Variants in KIF9 observed in about 807,000 individuals in gnomAD.
KIF9 encodes the protein kinesin family member 9, also known as kinesin-like protein KIF9.
Under a neutral mutation model 94.8 loss-of-function variants are expected in KIF9, and 68 were observed. The observed-to-expected ratio is 0.72, with a 90% CI of 0.59 to 0.88. The LOEUF (loss-of-function observed/expected upper bound fraction) is 0.88, where lower values mean the gene tolerates loss of function less well. Among genes scored for constraint, KIF9 ranks in the 40% least tolerant of loss-of-function variants. The pLI is 0.00. For missense variants in KIF9, 882 were observed against 982.5 expected (o/e 0.90, Z 1.37); for synonymous variants, 343 against 362.1 (o/e 0.95, Z 0.60).
intron 10 of KIF9, among the ~76,000 whole-genome samples, chr3:47,255,473 G>A (rs1481956070): frequency 1.3e-5 from 2 of 152,126 alleles, no homozygotes; most frequent in East Asian, 3.9e-4. Flanking sequence ...TTAGCCCTTA[G>A]CTCTAAGGAA....
intron 17 of KIF9, chr3:47,239,598 T>TG (rs1208547678): frequency 1.9e-6 from 2 of 1,032,824 alleles, no homozygotes; most frequent in Non-Finnish European, 2.4e-6. Context: ...TGTTATTATA[T>TG]TTTTTTTCCA....
intron 1 of KIF9, among the ~76,000 whole-genome samples, chr3:47,278,769 C>A (rs1465051471): frequency 2.0e-5 from 3 of 151,898 alleles, no homozygotes; most frequent in African/African-American, 7.3e-5. Context: ...GTCAGGAGTT[C>A]AAGACCAGCC....
intron 11 of KIF9, 96 bp from the exon 12 acceptor site, chr3:47,247,573 G>A: frequency 1.0e-6 from 1 of 965,316 alleles, no homozygotes. Context: ...TGGGGAGGCT[G>A]GGCACAGGCC....
In KIF9 at chr3:47,236,442, C is replaced by T; in HGVS notation, c.2101+1G>A. ...GCGGCCAACCTTCCCAACTGTCGCACCCATGAGCAGGCGGTGGCGACACTG... is the reference window on the plus strand; with the variant it reads ...GCGGCCAACCTTCCCAACTGTCGCATCCATGAGCAGGCGGTGGCGACACTG... On this transcript the variant is annotated splice_donor_variant, in intron 18 of 20. Coordinates refer to ENST00000684063, the MANE Select transcript of KIF9 (RefSeq NM_182902.4). LOFTEE classifies it high-confidence loss of function. 1.9e-6 allele frequency: 3 copies of T among 1,612,838 alleles called. No individual in the cohort carries two copies. The highest frequency in any genetic ancestry group is 2.5e-6 in the Non-Finnish European group (3 of 1,179,988).
At chr3:47,245,281 C>A in intron 14 of KIF9, 140 bp downstream of exon 14, 1 of 734,642 alleles carries the variant, frequency 1.4e-6, no homozygotes. Context: ...TAACACAGGT[C>A]ACCTGTGTTC....
intron 12 of KIF9, among the ~76,000 whole-genome samples, chr3:47,247,112 C>T (rs577004943): frequency 3.9e-5 from 6 of 152,180 alleles, no homozygotes; most frequent in Non-Finnish European, 2.9e-5. Context: ...CTGAAGTACA[C>T]GAGGTTGAGT....
chr3:47,235,766 T>C, intron 19 of KIF9, 149 bp from the exon 20 acceptor site: 1 of 671,716 alleles, frequency 1.5e-6, no homozygotes, highest in Non-Finnish European at 2.6e-6. Context: ...CCAGCCCCCA[T>C]GTCTGTCAGT....
intron 13 of KIF9, 135 bp downstream of exon 13, chr3:47,246,062 G>C (rs1282299534): frequency 1.5e-6 from 1 of 675,030 alleles, no homozygotes; most frequent in Non-Finnish European, 2.6e-6. Flanking sequence ...AGGGACCCAG[G>C]CATGCCCCCA....
At chr3:47,268,924 C>T (rs1251816106) in intron 5 of KIF9, among the ~76,000 whole-genome samples, 1 of 152,132 alleles carries the variant, frequency 6.6e-6, no homozygotes, top group Non-Finnish European at 1.5e-5. Flanking sequence ...GAAGTACCCT[C>T]TTGCCTTGTC....
chr3:47,279,766 G>A (rs1177952195), intron 1 of KIF9, among the ~76,000 whole-genome samples: 2 of 151,658 alleles, frequency 1.3e-5, no homozygotes, highest in East Asian at 2.0e-4. Context: ...ACAGGCGCCC[G>A]CCACCAAGCC....
rs1009844404 is a variant in KIF9 at position 47,244,841 on chromosome 3, G to A, written c.1464C>T (p.Thr488=). 1 of 1,613,986 alleles carries A rather than the reference G, an allele frequency of 6.2e-7. No homozygotes were observed. Among genetic ancestry groups the A allele is most frequent in the African/African-American group, 1.3e-5 (1 of 74,886 alleles). The change falls in exon 15 of 21, where the codon ACC becomes ACT. Residue 488 remains threonine, a synonymous_variant. Coordinates refer to ENST00000684063, the MANE Select transcript of KIF9 (RefSeq NM_182902.4). ...NFGLGVAPFS[T]KPGKKAKSKK... ...TGGACTTGGCTTTCTTCCCAGGTTT[G>A]GTAGAGAAAGGGGCGACTCCGAGTC...
chr3:47,262,559 C>T (rs192121687), intron 9 of KIF9, among the ~76,000 whole-genome samples: 3 of 152,192 alleles, frequency 2.0e-5, no homozygotes, highest in African/African-American at 7.2e-5. Flanking sequence ...AGGCATGAGC[C>T]ATTACACCTG....
Position 47,241,006 on chromosome 3 carries a change from G to A in KIF9, c.1719C>T (p.Thr573=), listed in dbSNP as rs1435697737. ...CAAAGGCCACTGGTTTGGAGGGTGG[G>A]GTGTCGGGCCTTGAGATGAAAAGGT... The part of the protein sequence containing the change: ...KEELRPIRPD[T]PPSKPVAFEE... Residue 573 remains threonine, a synonymous_variant, in exon 17 of 21, where the codon ACC becomes ACT. Coordinates refer to ENST00000684063, the MANE Select transcript of KIF9 (RefSeq NM_182902.4). 1.2e-6 allele frequency: 2 copies of A among 1,614,090 alleles called. No homozygotes were observed. Among genetic ancestry groups the A allele is most frequent in the East Asian group, 2.2e-5 (1 of 44,878 alleles).
chr3:47,246,070 C>A, intron 13 of KIF9, 127 bp downstream of exon 13: 1 of 746,618 alleles, frequency 1.3e-6, no homozygotes, highest in East Asian at 2.7e-5. Flanking sequence ...AGGCATGCCC[C>A]CAAGGACTCT....
intron 17 of KIF9, chr3:47,238,717 G>C (rs1056245551): frequency 1.3e-5 from 2 of 152,038 alleles, no homozygotes; most frequent in Non-Finnish European, 2.9e-5. Flanking sequence ...CTGGAGTGCA[G>C]TGGCGCAATC....
chr3:47,282,583 T>G lies in KIF9; in HGVS notation c.-94A>C. On this transcript the variant is annotated 5_prime_UTR_variant, in exon 1 of 21. It removes an upstream start codon present in the reference 5' UTR. Coordinates refer to ENST00000684063, the MANE Select transcript of KIF9 (RefSeq NM_182902.4). The stretch of plus-strand genomic sequence containing the variant: ...ACGCGGGGCTGCCTGGCTGTGTACA[T>G]AGTCGCCATGGCAACGGGTCGCTTC... 9.2e-7 allele frequency: 1 copy of G among 1,084,756 alleles called. No individual in the cohort carries two copies. The allele number at this position is 1,084,756 out of a possible 1,614,324, so 67.2% of individuals were successfully genotyped here.
chr3:47,237,781 G>C (rs1699143654), intron 17 of KIF9, among the ~76,000 whole-genome samples: 1 of 152,214 alleles, frequency 6.6e-6, no homozygotes, highest in African/African-American at 2.4e-5. Context: ...GCCACTAATG[G>C]AGTCATTAAT....
chr3:47,229,084 T>C (rs997275938), intron 20 of KIF9, among the ~76,000 whole-genome samples: 29 of 152,182 alleles, frequency 1.9e-4, no homozygotes, highest in Admixed American at 1.4e-3. Context: ...CTGCAATCAA[T>C]CAGATGTTCA....
chr3:47,265,739 C>A lies in KIF9; in HGVS notation c.907G>T (p.Asp303Tyr). 1 of 1,614,118 alleles carries A rather than the reference C, an allele frequency of 6.2e-7. No individual in the cohort carries two copies. ...AACTGTACCCCCTCACCTAACGAGTCCTTCAGAGCGTGGGTGAGCTTGCAC... is the reference window on the plus strand; with the variant it reads ...AACTGTACCCCCTCACCTAACGAGTACTTCAGAGCGTGGGTGAGCTTGCAC... ...RQCKLTHALKDSLGGNCNMVL... is the reference protein window; with the variant it reads ...RQCKLTHALKYSLGGNCNMVL... The change falls in exon 8 of 21, where the codon GAC becomes TAC. Residue 303 changes from aspartate to tyrosine, a missense_variant. By Grantham distance (160) the Asp-to-Tyr change is radical. Coordinates refer to ENST00000684063, the MANE Select transcript of KIF9 (RefSeq NM_182902.4).
Sources: gnomAD v4.1 joint callset for allele counts (sites outside exome capture counted in the v4.1 genomes callset) on GRCh38, gnomAD v4.1.1 for gene constraint, MANE v1.5 for transcripts, NCBI Gene and HGNC (gene_info 2026-07-23, HGNC 2026-07-21) for gene names.